Variants in MLLT1 observed in about 807,000 individuals in gnomAD.
The protein encoded by MLLT1 is protein ENL.
In MLLT1, 11 loss-of-function variants were observed where a neutral mutation model predicts 55.1. The observed-to-expected ratio is 0.20, with a 90% CI of 0.13 to 0.33. The LOEUF (loss-of-function observed/expected upper bound fraction) is 0.33. Among genes scored for constraint, MLLT1 ranks in the 10% least tolerant of loss-of-function variants. MLLT1 has a pLI of 1.00. For synonymous variants in MLLT1, 323 were observed against 320.1 expected, an observed-to-expected ratio of 1.01 and a Z score of -0.10; for missense variants, 536 against 760.6, an observed-to-expected ratio of 0.70 and a Z score of 3.47.
intron 1 of MLLT1, among the ~76,000 whole-genome samples, chr19:6,279,296 C>G (rs1184855450): frequency 6.6e-6 from 1 of 152,120 alleles, no homozygotes; most frequent in Admixed American, 6.5e-5. Flanking sequence ...TGGCCCTGGA[C>G]CTAGAGACGG....
In MLLT1 at chr19:6,212,032, A is replaced by G. The variant is rs1430182439; in HGVS notation, c.*1010T>C. The G allele has an allele frequency of 9.4e-7, 1 of 1,065,700 alleles. No individual in the cohort carries two copies. The highest frequency in any genetic ancestry group is 5.3e-5 in the Admixed American group (1 of 18,736). 66.0% of individuals were successfully genotyped at this position (1,065,700 alleles called of 1,614,324 possible). A position where few individuals can be genotyped will look rare whatever the true frequency, so the allele number is the denominator to read the frequency against. On this transcript the variant is annotated 3_prime_UTR_variant, in exon 12 of 12. Coordinates refer to ENST00000252674, the MANE Select transcript of MLLT1 (RefSeq NM_005934.4). ...TTCAATGCGCCTCAGAAAACTCCAT[A>G]AACTATCCCGTCTTATTTGGCAAAA... is the stretch of plus-strand genomic sequence containing the variant.
At chr19:6,279,295 A>C (rs1238647117) in intron 1 of MLLT1, among the ~76,000 whole-genome samples, 1 of 152,098 alleles carries the variant, frequency 6.6e-6, no homozygotes, top group Non-Finnish European at 1.5e-5. Flanking sequence ...CTGGCCCTGG[A>C]CCTAGAGACG....
At position 6,262,167 on chromosome 19, in the gene MLLT1, G is replaced by T; in HGVS notation, c.276+61C>A. The T allele has an allele frequency of 7.4e-7, 1 of 1,348,060 alleles. No individual in the cohort carries two copies. Among genetic ancestry groups the T allele is most frequent in the Non-Finnish European group, 1.1e-6 (1 of 940,042 alleles). 83.5% of individuals were successfully genotyped at this position (1,348,060 alleles called of 1,614,324 possible). A position where few individuals can be genotyped will look rare whatever the true frequency, so the allele number is the denominator to read the frequency against. On this transcript the variant is annotated intron_variant, in intron 3 of 11. Transcript: ENST00000252674. The surrounding 1 kb of genome is among the most constrained non-coding windows in gnomAD (Gnocchi z 4.4). ...TCTGGCCTGTTTTGTGAACTGCCGT[G>T]GCACCCGGAGCAGGGGTCCCCACAG... is the stretch of plus-strand genomic sequence containing the variant.
chr19:6,262,399 C>T lies in MLLT1; in HGVS notation c.194-89G>A. The T allele has an allele frequency of 9.1e-7, 1 of 1,101,646 alleles. No homozygotes were observed. The highest frequency in any genetic ancestry group is 1.3e-6 in the Non-Finnish European group (1 of 741,806). The allele number at this position is 1,101,646 out of a possible 1,614,324, so 68.2% of individuals were successfully genotyped here. On this transcript the variant is annotated intron_variant, in intron 2 of 11. Coordinates refer to ENST00000252674, the MANE Select transcript of MLLT1 (RefSeq NM_005934.4). The surrounding 1 kb of genome is among the most constrained non-coding windows in gnomAD (Gnocchi z 4.4). ...GGCAGTACCGCACCCCTCAACCCCA[C>T]CACCTCCTCACAGGGGCTTGGCTGG...
intron 5 of MLLT1, among the ~76,000 whole-genome samples, chr19:6,225,444 A>AGGCC (rs2090946458): frequency 6.6e-6 from 1 of 152,216 alleles, no homozygotes; most frequent in Admixed American, 6.5e-5. Context: ...GCTGGGGAAG[A>AGGCC]GGCCGGTTCA....
intron 3 of MLLT1, among the ~76,000 whole-genome samples, chr19:6,241,044 A>G (rs1366959794): frequency 6.6e-6 from 1 of 152,220 alleles, no homozygotes; most frequent in African/African-American, 2.4e-5. Context: ...AATCTGGACC[A>G]TAACAAATGA....
chr19:6,248,943 G>A lies in MLLT1; in HGVS notation c.276+13285C>T, dbSNP rs57472708. ...TCCAAATTAAAAAAATCGTAACTAT[G>A]AGAGATTCCCAGTCAGGAACCATAC... is the stretch of plus-strand genomic sequence containing the variant. On this transcript the variant is annotated intron_variant, in intron 3 of 11. Transcript: ENST00000252674. Among the ~76,000 whole-genome samples the A allele has an allele frequency of 0.012, 1,796 of 152,266 alleles. 73 individuals carry two copies. The East Asian group carries it at 0.13, about 11-fold the overall frequency.
chr19:6,276,486 G>C (rs1212945428), intron 1 of MLLT1, among the ~76,000 whole-genome samples: 2 of 152,170 alleles, frequency 1.3e-5, no homozygotes, highest in Non-Finnish European at 2.9e-5. Flanking sequence ...GGACCAGCAA[G>C]CAGCAATTCG....
rs562064992 is a variant in MLLT1, at chr19:6,270,134, G to A, written c.193+445C>T. 1.3e-4 allele frequency among the ~76,000 whole-genome samples: 19 copies of A among 151,218 alleles called. 1 individual carries two copies. The highest frequency in any genetic ancestry group is 3.9e-4 in the African/African-American group (16 of 41,212). ...GAGGCACTCGTGCTGAATCAATGAC[G>A]GCCTGAGGCTTGAAGGGAGAGGGAA... On this transcript the variant is annotated intron_variant, in intron 2 of 11. Transcript: ENST00000252674. This position sits in a 1 kb window ranked among gnomAD's most constrained non-coding sequence, Gnocchi z 7.1.
chr19:6,240,442 G>A lies in MLLT1; in HGVS notation c.277-9729C>T, dbSNP rs1020203194. On this transcript the variant is annotated intron_variant, in intron 3 of 11. Coordinates refer to ENST00000252674, the MANE Select transcript of MLLT1 (RefSeq NM_005934.4). This position sits in a 1 kb window ranked among gnomAD's most constrained non-coding sequence, Gnocchi z 4.7. ...GTGACGCAGAGGGCGGGCTCCAAGC[G>A]GAGCTGGCACCCGGCGCAGGTGACG... 3.9e-5 allele frequency among the ~76,000 whole-genome samples: 6 copies of A among 152,226 alleles called. No homozygotes were observed. The highest frequency in any genetic ancestry group is 1.3e-4 in the Admixed American group (2 of 15,284).
chr19:6,213,923 C>T lies in MLLT1; in HGVS notation c.1407+16G>A. Reference sequence around the variant, plus strand: ...CGGCCTCTGGTGCACCCCCTGCCTGCAGGCCCCAGGCTCACCTTGCTGTTG... The same window carrying T: ...CGGCCTCTGGTGCACCCCCTGCCTGTAGGCCCCAGGCTCACCTTGCTGTTG... On this transcript the variant is annotated intron_variant, in intron 9 of 11. Coordinates refer to ENST00000252674, the MANE Select transcript of MLLT1 (RefSeq NM_005934.4). The T allele has an allele frequency of 1.4e-6, 2 of 1,456,946 alleles. No homozygotes were observed. Among genetic ancestry groups the T allele is most frequent in the South Asian group, 1.4e-5 (1 of 70,976 alleles). 90.3% of individuals were successfully genotyped at this position (1,456,946 alleles called of 1,614,324 possible).
rs183821909 is a variant in MLLT1 at position 6,219,280 on chromosome 19, C to A, written c.1111-1239G>T. 6.6e-6 allele frequency among the ~76,000 whole-genome samples: 1 copy of A among 152,298 alleles called. No individual in the cohort carries two copies. ...CCCTCAAACCAGCCCCTGCCAGCGC[C>A]CCTTCCCACCAACACATGGCGCTCC... On this transcript the variant is annotated intron_variant, in intron 6 of 11. Transcript: ENST00000252674. This position sits in a 1 kb window ranked among gnomAD's most constrained non-coding sequence, Gnocchi z 4.5.
In MLLT1 at chr19:6,235,699, C is replaced by A. The variant is rs1167005954; in HGVS notation, c.277-4986G>T. On this transcript the variant is annotated intron_variant, in intron 3 of 11. Transcript: ENST00000252674. The surrounding 1 kb of genome is among the most constrained non-coding windows in gnomAD (Gnocchi z 5.5). Reference sequence around the variant, plus strand: ...CTCTCCTGGACCACCTGCCTCCTAACCGTCACCCGCTTCCACCACAGCCCC... The same window carrying A: ...CTCTCCTGGACCACCTGCCTCCTAAACGTCACCCGCTTCCACCACAGCCCC... 6.6e-6 allele frequency among the ~76,000 whole-genome samples: 1 copy of A among 152,234 alleles called. No homozygotes were observed. Among genetic ancestry groups the A allele is most frequent in the African/African-American group, 2.4e-5 (1 of 41,460 alleles).
rs771151965 is a variant in MLLT1, at chr19:6,257,581, A to C, written c.276+4647T>G. Among the ~76,000 whole-genome samples, 5 of 152,318 alleles carry C rather than the reference A, an allele frequency of 3.3e-5. 1 individual carries two copies. The South Asian group carries it at 1.0e-3, about 32-fold the overall frequency. ...TTTGGGAGGCCAAGACAGATGGATC[A>C]CTTGAGATTGGGAGTTTGAGACCAG... On this transcript the variant is annotated intron_variant, in intron 3 of 11. Transcript: ENST00000252674.
chr19:6,239,122 G>A (rs1239014524), intron 3 of MLLT1, among the ~76,000 whole-genome samples: 3 of 152,128 alleles, frequency 2.0e-5, no homozygotes, highest in Non-Finnish European at 4.4e-5. Flanking sequence ...CGCGTCCACA[G>A]AGCCCTGCCC....
chr19:6,248,322 G>A (rs943295735), intron 3 of MLLT1, among the ~76,000 whole-genome samples: 2 of 152,218 alleles, frequency 1.3e-5, no homozygotes, highest in Non-Finnish European at 2.9e-5. Context: ...ATTAGTAACT[G>A]TAGTGTTTTT....
intron 1 of MLLT1, among the ~76,000 whole-genome samples, chr19:6,277,240 T>G (rs2091432750): frequency 1.3e-5 from 2 of 152,196 alleles, no homozygotes; most frequent in South Asian, 4.1e-4. Flanking sequence ...CTCTCTCAAA[T>G]TTGCATGAAA....
chr19:6,219,984 G>A lies in MLLT1; in HGVS notation c.1111-1943C>T, dbSNP rs565949633. On this transcript the variant is annotated intron_variant, in intron 6 of 11. Transcript: ENST00000252674. The surrounding 1 kb of genome is among the most constrained non-coding windows in gnomAD (Gnocchi z 4.5). The stretch of plus-strand genomic sequence containing the variant: ...GTGATCAGAAGGGCCACCGGAGCAC[G>A]CCCGGGGCTCAGAGGGAGGGCGGAG... 7.9e-5 allele frequency among the ~76,000 whole-genome samples: 12 copies of A among 152,350 alleles called. No homozygotes were observed. Among genetic ancestry groups the A allele is most frequent in the East Asian group, 3.9e-4 (2 of 5,186 alleles).
At chr19:6,244,043 CAAA>C (rs1179461309) in intron 3 of MLLT1, among the ~76,000 whole-genome samples, 6 of 45,214 alleles carry the variant, frequency 1.3e-4, no homozygotes, top group African/African-American at 2.5e-4. Flanking sequence ...GACTCCACCT[CAAA>C]AAAAAAAAAA....
Sources: allele counts gnomAD v4.1 joint callset (sites outside exome capture counted in the v4.1 genomes callset), GRCh38; gene constraint gnomAD v4.1.1; non-coding constraint Gnocchi (gnomAD v3.1); transcripts MANE v1.5; gene names NCBI Gene and HGNC (gene_info 2026-07-23, HGNC 2026-07-21).